SGCD: variants seen among roughly 807,000 people sequenced by gnomAD.
The protein encoded by SGCD is delta-sarcoglycan.
SGCD carries 18 observed loss-of-function variants against 36.6 expected under a neutral mutation model. The ratio of observed to expected loss-of-function variants is 0.49; its 90% CI spans 0.34 to 0.73. The LOEUF (loss-of-function observed/expected upper bound fraction) is 0.73. Among genes scored for constraint, SGCD ranks in the 30% least tolerant of loss-of-function variants. SGCD has a pLI of 0.01. For synonymous variants in SGCD, 133 were observed against 130.6 expected, an observed-to-expected ratio of 1.02 and a Z score of -0.12; for missense variants, 387 against 346.7, an observed-to-expected ratio of 1.12 and a Z score of -0.92.
chr5:155,953,235 A>T (rs1043778374), intron 1 of SGCD, among the ~76,000 whole-genome samples: 1 of 152,006 alleles, frequency 6.6e-6, no homozygotes, highest in Non-Finnish European at 1.5e-5. Context: ...TTGAAAGCAC[A>T]ATTTACTTAA....
intron 5 of SGCD, among the ~76,000 whole-genome samples, chr5:156,590,217 A>G (rs1197453646): frequency 6.6e-6 from 1 of 152,186 alleles, no homozygotes; most frequent in Non-Finnish European, 1.5e-5. Context: ...TGAATAAAAT[A>G]TCTGGAACCC....
At chr5:156,067,862 C>T (rs1332107464) in intron 1 of SGCD, among the ~76,000 whole-genome samples, 4 of 135,082 alleles carry the variant, frequency 3.0e-5, no homozygotes, top group African/African-American at 1.5e-4. Context: ...GAGAGATGAA[C>T]CCGGTACCTC....
chr5:156,724,897 C>T (rs1410875205), intron 7 of SGCD, among the ~76,000 whole-genome samples: 1 of 152,120 alleles, frequency 6.6e-6, no homozygotes, highest in Non-Finnish European at 1.5e-5. Flanking sequence ...TCTTACTTTG[C>T]TAAGAATGTG....
chr5:156,366,605 G>A, intron 3 of SGCD, among the ~76,000 whole-genome samples: 1 of 152,184 alleles, frequency 6.6e-6, no homozygotes, highest in East Asian at 1.9e-4. Flanking sequence ...ATGGAGGATG[G>A]AGAATGAGCT....
chr5:156,060,830 A>C (rs1760185790), intron 1 of SGCD, among the ~76,000 whole-genome samples: 1 of 146,088 alleles, frequency 6.8e-6, no homozygotes, highest in African/African-American at 2.5e-5. Flanking sequence ...TTTACTTATT[A>C]AATGCATTTA....
At chr5:156,351,591 G>C (rs1321163073) in intron 3 of SGCD, among the ~76,000 whole-genome samples, 1 of 140,396 alleles carries the variant, frequency 7.1e-6, no homozygotes, top group Non-Finnish European at 1.5e-5. Context: ...AGAAGTGTTT[G>C]CTATCGTCGT....
At chr5:155,961,135 C>T (rs1260056715) in intron 1 of SGCD, among the ~76,000 whole-genome samples, 1 of 152,046 alleles carries the variant, frequency 6.6e-6, no homozygotes, top group African/African-American at 2.4e-5. Flanking sequence ...TATCAAATAT[C>T]ACCTTTTACT....
intron 3 of SGCD, among the ~76,000 whole-genome samples, chr5:156,500,784 A>G (rs530992444): frequency 6.6e-6 from 1 of 152,336 alleles, no homozygotes; most frequent in East Asian, 1.9e-4. Flanking sequence ...GGATCCTGGA[A>G]CAGATCAGAA....
intron 1 of SGCD, among the ~76,000 whole-genome samples, chr5:155,956,504 A>G (rs898872809): frequency 6.6e-6 from 1 of 152,058 alleles, no homozygotes; most frequent in Non-Finnish European, 1.5e-5. Flanking sequence ...CATCGTCCTG[A>G]GGATACTTAC....
Position 156,738,283 on chromosome 5 carries a change from G to A in SGCD, c.576-19298G>A, listed in dbSNP as rs115359549. On this transcript the variant is annotated intron_variant, in intron 7 of 8. Coordinates refer to ENST00000337851, the MANE Select transcript of SGCD (RefSeq NM_000337.6). ...GAATGTAATAGTTTGGGGATGGAGG[G>A]TATGGGGAGGACCATAAAGAGAGTC... is the stretch of plus-strand genomic sequence containing the variant. Among the ~76,000 whole-genome samples the A allele has an allele frequency of 7.8e-3, 1,189 of 152,280 alleles. 15 individuals are homozygous for A. Among genetic ancestry groups the A allele is most frequent in the African/African-American group, 0.027 (1,132 of 41,544 alleles).
intron 3 of SGCD, among the ~76,000 whole-genome samples, chr5:156,487,505 C>T (rs1204202448): frequency 6.6e-6 from 1 of 151,990 alleles, no homozygotes; most frequent in African/African-American, 2.4e-5. Context: ...AAGAGCTTAA[C>T]AAGGTCAGGC....
intron 3 of SGCD, among the ~76,000 whole-genome samples, chr5:156,444,064 TTCTCTCTCTCTCTC>T (rs535098783): frequency 0.011 from 364 of 34,484 alleles, 5 homozygotes; most frequent in African/African-American, 0.023. Flanking sequence ...CTTTCTCTCC[TTCTCTCTCTCTCTC>T]TCTCTCTCTC....
the SGCD span, among the ~76,000 whole-genome samples, chr5:155,834,196 A>ACT: frequency 6.0e-5 from 2 of 33,454 alleles, no homozygotes; most frequent in African/African-American, 2.5e-4. Flanking sequence ...CTCCTTTAAG[A>ACT]CTAAATACTC....
the SGCD span, among the ~76,000 whole-genome samples, chr5:155,749,443 A>G: frequency 6.6e-6 from 1 of 152,250 alleles, no homozygotes; most frequent in African/African-American, 2.4e-5. Flanking sequence ...AACTTAGAGC[A>G]GAAACACATG....
In SGCD at chr5:156,588,311, A is replaced by G. The variant is rs371427903; in HGVS notation, c.295-920A>G. On this transcript the variant is annotated intron_variant, in intron 4 of 8. Transcript: ENST00000337851. ...AAAAAGAATATCTCATGTCATATTCAGATTATATTAAATTTTAAATATAAA... is the reference window on the plus strand; with the variant it reads ...AAAAAGAATATCTCATGTCATATTCGGATTATATTAAATTTTAAATATAAA... 7.0e-4 allele frequency among the ~76,000 whole-genome samples: 106 copies of G among 152,276 alleles called. 1 individual carries two copies. The South Asian group carries it at 7.9e-3, about 11-fold the overall frequency.
chr5:156,167,437 C>G (rs1294014064), intron 3 of SGCD, among the ~76,000 whole-genome samples: 1 of 152,100 alleles, frequency 6.6e-6, no homozygotes, highest in Non-Finnish European at 1.5e-5. Context: ...ATGGTAGATG[C>G]TTGTTGCTTT....
At chr5:156,713,974 A>C (rs1465093996) in intron 7 of SGCD, among the ~76,000 whole-genome samples, 1 of 152,242 alleles carries the variant, frequency 6.6e-6, no homozygotes, top group East Asian at 1.9e-4. Context: ...TGTGTCAACT[A>C]AATGCTCTAG....
At chr5:156,752,558 A>G (rs929078654) in intron 7 of SGCD, among the ~76,000 whole-genome samples, 3 of 152,124 alleles carry the variant, frequency 2.0e-5, no homozygotes, top group Middle Eastern at 3.4e-3. Context: ...ACACCCGGCT[A>G]ATTTTTTTCC....
At chr5:156,235,515 T>A (rs2127653368) in intron 3 of SGCD, among the ~76,000 whole-genome samples, 1 of 152,336 alleles carries the variant, frequency 6.6e-6, no homozygotes, top group Admixed American at 6.5e-5. Context: ...AGTGTAACCA[T>A]GTCTTTGCTG....
Sources: gnomAD v4.1 joint callset for allele counts (sites outside exome capture counted in the v4.1 genomes callset) on GRCh38, gnomAD v4.1.1 for gene constraint, MANE v1.5 for transcripts, NCBI Gene and HGNC (gene_info 2026-07-23, HGNC 2026-07-21) for gene names.